Variants in NRG3 observed in about 807,000 individuals in gnomAD.
NRG3 encodes pro-neuregulin-3, membrane-bound isoform.
In NRG3, 31 loss-of-function variants were observed where a neutral mutation model predicts 66.9. The observed-to-expected ratio is 0.46, with a 90% CI of 0.35 to 0.63. NRG3 has a LOEUF of 0.63. Among genes scored for constraint, NRG3 ranks in the 20% least tolerant of loss-of-function variants. The pLI, the probability that NRG3 is intolerant of heterozygous loss-of-function variation, is 0.00. For synonymous variants in NRG3, 393 were observed against 359.4 expected (o/e 1.09, Z -1.06); for missense variants, 910 against 878.9 (o/e 1.04, Z -0.45).
chr10:82,730,117 G>A (rs906852408), intron 2 of NRG3, among the ~76,000 whole-genome samples: 10 of 129,144 alleles, frequency 7.7e-5, no homozygotes, highest in East Asian at 4.4e-4. Flanking sequence ...ACGGAGTCTC[G>A]CTCTGTCACC....
intron 1 of NRG3, among the ~76,000 whole-genome samples, chr10:82,020,263 T>G (rs1430900747): frequency 1.3e-5 from 2 of 152,122 alleles, no homozygotes; most frequent in Admixed American, 1.3e-4. Context: ...AAATCACATA[T>G]TTGTAGAATA....
intron 1 of NRG3, among the ~76,000 whole-genome samples, chr10:82,167,501 T>C (rs1476860967): frequency 6.6e-6 from 1 of 152,134 alleles, no homozygotes; most frequent in Non-Finnish European, 1.5e-5. Context: ...AATTTTATAA[T>C]AATTGCTGTG....
At chr10:82,363,978 T>C (rs144064290) in intron 2 of NRG3, among the ~76,000 whole-genome samples, 14 of 152,244 alleles carry the variant, frequency 9.2e-5, no homozygotes, top group Admixed American at 2.6e-4. Context: ...CTTGAACATA[T>C]AGTAGAATCC....
chr10:82,646,627 A>T (rs1186369249), intron 2 of NRG3, among the ~76,000 whole-genome samples: 1 of 152,200 alleles, frequency 6.6e-6, no homozygotes, highest in African/African-American at 2.4e-5. Flanking sequence ...TTTTATTCAT[A>T]TAATAACTAT....
intron 8 of NRG3, among the ~76,000 whole-genome samples, chr10:82,983,741 A>G (rs1853164027): frequency 6.6e-6 from 1 of 152,232 alleles, no homozygotes; most frequent in African/African-American, 2.4e-5. Context: ...TGTTGTTATT[A>G]AGTCTGAAAA....
chr10:82,435,413 A>AT (rs1275554455), intron 2 of NRG3, among the ~76,000 whole-genome samples: 4 of 151,770 alleles, frequency 2.6e-5, no homozygotes, highest in African/African-American at 9.7e-5. Context: ...GGACTCATTG[A>AT]TTTTTTGGAG....
At chr10:82,170,231 C>T (rs1314303843) in intron 1 of NRG3, among the ~76,000 whole-genome samples, 1 of 151,982 alleles carries the variant, frequency 6.6e-6, no homozygotes, top group Non-Finnish European at 1.5e-5. Flanking sequence ...AAATATACCA[C>T]CTTTTCTCTT....
intron 4 of NRG3, among the ~76,000 whole-genome samples, chr10:82,930,686 G>A (rs1847482751): frequency 6.6e-6 from 1 of 152,174 alleles, no homozygotes; most frequent in Admixed American, 6.5e-5. Flanking sequence ...GAACAAAACA[G>A]TCAGCAAAAC....
At chr10:82,837,301 C>T (rs2062831622) in intron 3 of NRG3, among the ~76,000 whole-genome samples, 1 of 152,084 alleles carries the variant, frequency 6.6e-6, no homozygotes, top group Non-Finnish European at 1.5e-5. Context: ...AGTTCTAGAT[C>T]CCTGAGGAAT....
At chr10:81,910,995 C>T (rs1449282164) in intron 1 of NRG3, among the ~76,000 whole-genome samples, 1 of 152,106 alleles carries the variant, frequency 6.6e-6, no homozygotes, top group Non-Finnish European at 1.5e-5. Context: ...TAAGATTTCT[C>T]CTGTAGGTAA....
At chr10:82,159,191 A>G (rs1459188966) in intron 1 of NRG3, among the ~76,000 whole-genome samples, 2 of 151,940 alleles carry the variant, frequency 1.3e-5, no homozygotes, top group Non-Finnish European at 2.9e-5. Context: ...TAGCTTTGGA[A>G]GCTAGGTTCA....
chr10:82,297,799 GT>G (rs1303832205), intron 1 of NRG3, among the ~76,000 whole-genome samples: 1 of 151,930 alleles, frequency 6.6e-6, no homozygotes, highest in Non-Finnish European at 1.5e-5. Context: ...ACATTGTATT[GT>G]TTTTTTCCTT....
At chr10:82,103,324 A>G (rs1269202778) in intron 1 of NRG3, among the ~76,000 whole-genome samples, 2 of 152,138 alleles carry the variant, frequency 1.3e-5, no homozygotes, top group African/African-American at 4.8e-5. Context: ...TGGTAGATTC[A>G]AAGTAATTTT....
intron 4 of NRG3, among the ~76,000 whole-genome samples, chr10:82,905,343 A>G (rs1844628935): frequency 6.6e-6 from 1 of 152,102 alleles, no homozygotes; most frequent in Non-Finnish European, 1.5e-5. Context: ...ATTTTCTCCA[A>G]AGCCTTAATT....
intron 2 of NRG3, among the ~76,000 whole-genome samples, chr10:82,619,919 A>G (rs894932763): frequency 2.0e-5 from 3 of 152,186 alleles, no homozygotes; most frequent in Non-Finnish European, 4.4e-5. Flanking sequence ...AAGCCAACCA[A>G]TCTTGGCAGT....
At chr10:82,497,521 C>G (rs966082206) in intron 2 of NRG3, among the ~76,000 whole-genome samples, 1 of 152,064 alleles carries the variant, frequency 6.6e-6, no homozygotes, top group African/African-American at 2.4e-5. Flanking sequence ...CCAAGGTCAT[C>G]CATATTGTTA....
At chr10:81,965,899 T>G (rs923652078) in intron 1 of NRG3, among the ~76,000 whole-genome samples, 1 of 152,140 alleles carries the variant, frequency 6.6e-6, no homozygotes, top group Admixed American at 6.6e-5. Flanking sequence ...TTATTATTAT[T>G]TGGTGTATGT....
chr10:82,635,971 C>A (rs2050168884), intron 2 of NRG3, among the ~76,000 whole-genome samples: 2 of 152,006 alleles, frequency 1.3e-5, no homozygotes, highest in African/African-American at 4.8e-5. Context: ...AGAGTGGCTT[C>A]GTGCGTAGTG....
chr10:82,928,093 A>T (rs1248117130), intron 4 of NRG3, among the ~76,000 whole-genome samples: 1 of 152,152 alleles, frequency 6.6e-6, no homozygotes, highest in Non-Finnish European at 1.5e-5. Context: ...TCTAATGACC[A>T]GTGATGATGA....
Sources: gnomAD v4.1 joint callset for allele counts (sites outside exome capture counted in the v4.1 genomes callset) on GRCh38, gnomAD v4.1.1 for gene constraint, MANE v1.5 for transcripts, NCBI Gene and HGNC (gene_info 2026-07-23, HGNC 2026-07-21) for gene names.